The following FHIT variants were observed in gnomAD, a reference collection of about 807,000 sequenced individuals.
FHIT encodes bis(5'-adenosyl)-triphosphatase.
A neutral mutation model predicts 17.9 loss-of-function variants in FHIT; 19 were observed. The ratio of observed to expected loss-of-function variants is 1.06; its 90% CI spans 0.74 to 1.56. The LOEUF (loss-of-function observed/expected upper bound fraction) is 1.56, where lower values mean the gene tolerates loss of function less well. FHIT is among the 40% of genes most tolerant of loss of function. The probability of loss-of-function intolerance (pLI) is 0.00; values close to 1 mark genes in which losing one functional copy is unlikely to be tolerated. For missense variants in FHIT, 248 were observed against 189.2 expected, an observed-to-expected ratio of 1.31 and a Z score of -1.82; for synonymous variants, 81 against 69.7, an observed-to-expected ratio of 1.16 and a Z score of -0.81.
At chr3:60,007,165 T>A (rs1002895314) in intron 7 of FHIT, among the ~76,000 whole-genome samples, 2 of 152,098 alleles carry the variant, frequency 1.3e-5, no homozygotes, top group African/African-American at 4.8e-5. Context: ...TAAAACCGCC[T>A]CCCACCCAAA....
At position 60,676,828 on chromosome 3, in the gene FHIT, A is replaced by C. The variant is rs1372223374; in HGVS notation, c.-17-139849T>G. On this transcript the variant is annotated intron_variant, in intron 4 of 9. Coordinates refer to ENST00000492590, the MANE Select transcript of FHIT (RefSeq NM_002012.4). ...CCACAAGAACTCATTTTTTTTAATT[A>C]CTGTTTTTTTCTTTTAGTGAGCATA... is the stretch of plus-strand genomic sequence containing the variant. Among the ~76,000 whole-genome samples, 12 of 151,852 alleles carry C rather than the reference A, an allele frequency of 7.9e-5. No homozygotes were observed. The South Asian group carries it at 2.5e-3, about 32-fold the overall frequency.
intron 5 of FHIT, among the ~76,000 whole-genome samples, chr3:60,516,265 A>G (rs1358786188): frequency 6.6e-6 from 1 of 152,228 alleles, no homozygotes; most frequent in African/African-American, 2.4e-5. Context: ...ATGTTAATGT[A>G]ATATTTTAAT....
chr3:59,909,477 G>A (rs908652096), intron 8 of FHIT, among the ~76,000 whole-genome samples: 10 of 152,050 alleles, frequency 6.6e-5, no homozygotes, highest in African/African-American at 2.4e-4. Flanking sequence ...TTATGGGCAC[G>A]CACCACCACA....
intron 2 of FHIT, among the ~76,000 whole-genome samples, chr3:61,091,372 T>C (rs975628163): frequency 1.3e-5 from 2 of 152,166 alleles, no homozygotes; most frequent in Non-Finnish European, 2.9e-5. Context: ...ACACGTAACC[T>C]TCCTAAGTCT....
intron 5 of FHIT, among the ~76,000 whole-genome samples, chr3:60,346,829 C>T (rs1419355541): frequency 1.3e-5 from 2 of 152,054 alleles, no homozygotes; most frequent in African/African-American, 2.4e-5. Flanking sequence ...TGAAAAGGAC[C>T]TGAATTTAGG....
In FHIT at chr3:61,197,745, G is replaced by C. The variant is rs536681949; in HGVS notation, c.-164+2872C>G. Among the ~76,000 whole-genome samples the C allele has an allele frequency of 2.6e-5, 4 of 152,240 alleles. No homozygotes were observed. In the East Asian group the frequency reaches 7.7e-4, roughly 29 times the overall value. On this transcript the variant is annotated intron_variant, in intron 2 of 9. Transcript: ENST00000492590. ...AAAGAATATACCTGTTGTGTTTGGG[G>C]TTGCTGGGGGTAAACCGAAGAAAAT... is the stretch of plus-strand genomic sequence containing the variant.
chr3:60,823,716 T>C (rs1387662767), intron 3 of FHIT, among the ~76,000 whole-genome samples: 3 of 152,208 alleles, frequency 2.0e-5, no homozygotes, highest in Non-Finnish European at 4.4e-5. Flanking sequence ...CCACTCAGTA[T>C]ATGGTACTTA....
chr3:60,809,837 T>C (rs1387853001), intron 4 of FHIT, among the ~76,000 whole-genome samples: 1 of 152,182 alleles, frequency 6.6e-6, no homozygotes, highest in African/African-American at 2.4e-5. Context: ...CAAGTCCATT[T>C]AGGCTAGTCT....
intron 5 of FHIT, among the ~76,000 whole-genome samples, chr3:60,221,432 T>C (rs988231249): frequency 6.6e-6 from 1 of 152,064 alleles, no homozygotes; most frequent in African/African-American, 2.4e-5. Context: ...CCTCTATCCA[T>C]CCTCCTACAG....
At chr3:60,531,274 CTTTTTTTT>C (rs5741620) in intron 5 of FHIT, among the ~76,000 whole-genome samples, 1 of 83,136 alleles carries the variant, frequency 1.2e-5, no homozygotes, top group African/African-American at 4.8e-5. Context: ...GAAAAGAACT[CTTTTTTTT>C]TTTTTTTTTT....
chr3:60,448,391 AGTATCAAGTG>A (rs1007168201), intron 5 of FHIT, among the ~76,000 whole-genome samples: 11 of 152,224 alleles, frequency 7.2e-5, no homozygotes, highest in Non-Finnish European at 1.5e-4. Flanking sequence ...CTATGTGTGC[AGTATCAAGTG>A]GTATCAACTG....
Position 59,766,359 on chromosome 3 carries a change from A to G in FHIT, c.349-14038T>C, listed in dbSNP as rs1220909928. Among the ~76,000 whole-genome samples, 4 of 152,210 alleles carry G rather than the reference A, an allele frequency of 2.6e-5. No homozygotes were observed. In the East Asian group the frequency reaches 7.7e-4, roughly 29 times the overall value. On this transcript the variant is annotated intron_variant, in intron 8 of 9. Transcript: ENST00000492590. ...TTCCAAAATGTCCACCAAAGTTGCA[A>G]CATAGTAGCATTTGCCATATAAAAG...
At chr3:60,043,585 T>C (rs1575962215) in intron 5 of FHIT, among the ~76,000 whole-genome samples, 1 of 152,202 alleles carries the variant, frequency 6.6e-6, no homozygotes, top group East Asian at 1.9e-4. Flanking sequence ...CCTTACACAA[T>C]AGTGTCTCTT....
intron 2 of FHIT, among the ~76,000 whole-genome samples, chr3:61,112,009 G>T (rs1005668335): frequency 2.6e-5 from 4 of 152,106 alleles, no homozygotes; most frequent in Non-Finnish European, 5.9e-5. Flanking sequence ...AGCCTTTGAG[G>T]TAACCACAGA....
At chr3:60,120,192 T>G (rs1332776453) in intron 5 of FHIT, among the ~76,000 whole-genome samples, 1 of 152,214 alleles carries the variant, frequency 6.6e-6, no homozygotes, top group Non-Finnish European at 1.5e-5. Context: ...TAGTCTTGCC[T>G]GATGTATGCC....
At chr3:60,188,597 T>C (rs1208508908) in intron 5 of FHIT, among the ~76,000 whole-genome samples, 1 of 152,152 alleles carries the variant, frequency 6.6e-6, no homozygotes, top group African/African-American at 2.4e-5. Context: ...GTGCCTTCAT[T>C]TCATCCTTCA....
chr3:60,069,919 T>C (rs1702691796), intron 5 of FHIT, among the ~76,000 whole-genome samples: 1 of 152,230 alleles, frequency 6.6e-6, no homozygotes, highest in South Asian at 2.1e-4. Flanking sequence ...AACTTTCTTC[T>C]GTCTAGCACA....
intron 4 of FHIT, among the ~76,000 whole-genome samples, chr3:60,739,282 C>T (rs115969834): frequency 0.049 from 7,459 of 152,292 alleles, 228 homozygotes; most frequent in Middle Eastern, 0.1. Flanking sequence ...TGCAGAAAGG[C>T]AGAGGGAGCA....
intron 8 of FHIT, among the ~76,000 whole-genome samples, chr3:59,865,644 T>A (rs1702610684): frequency 7.1e-6 from 1 of 140,568 alleles, no homozygotes; most frequent in Non-Finnish European, 1.5e-5. Flanking sequence ...ACTAACAGAA[T>A]GCTTTTACCC....
Sources: gnomAD v4.1 joint callset for allele counts (sites outside exome capture counted in the v4.1 genomes callset) on GRCh38, gnomAD v4.1.1 for gene constraint, MANE v1.5 for transcripts, NCBI Gene and HGNC (gene_info 2026-07-23, HGNC 2026-07-21) for gene names.